The following ETV5 variants were observed in gnomAD, a reference collection of about 807,000 sequenced individuals.
ETV5 encodes the protein ETS translocation variant 5.
ETV5 carries 10 observed loss-of-function variants against 70.0 expected under a neutral mutation model. The observed-to-expected ratio is 0.14, with a 90% confidence interval of 0.09 to 0.24. The LOEUF (loss-of-function observed/expected upper bound fraction) is 0.24. ETV5 is among the 10% of genes least tolerant of loss of function. The pLI is 1.00. For missense variants in ETV5, 453 were observed against 651.2 expected, an observed-to-expected ratio of 0.70 and a Z score of 3.31; for synonymous variants, 216 against 242.2, an observed-to-expected ratio of 0.89 and a Z score of 1.01.
At chr3:186,108,457 C>A (rs1158630536) in intron 1 of ETV5, 4 of 1,226,592 alleles carry the variant, frequency 3.3e-6, no homozygotes, top group Non-Finnish European at 3.2e-6. Context: ...CTGCACTTGC[C>A]TGTGTCATTT....
intron 5 of ETV5, among the ~76,000 whole-genome samples, chr3:186,094,600 G>A (rs1467858998): frequency 2.6e-5 from 4 of 152,104 alleles, no homozygotes; most frequent in African/African-American, 7.2e-5. Context: ...ACTTTAGAAC[G>A]CCAAAAATGG....
chr3:186,071,198 GA>G (rs774748036), intron 7 of ETV5, among the ~76,000 whole-genome samples: 113 of 144,324 alleles, frequency 7.8e-4, no homozygotes, highest in Middle Eastern at 3.6e-3. Flanking sequence ...ATGCTCACAG[GA>G]AAAAAAAAAA....
intron 5 of ETV5, among the ~76,000 whole-genome samples, chr3:186,090,569 G>A (rs1296188478): frequency 2.0e-5 from 3 of 152,126 alleles, no homozygotes; most frequent in Non-Finnish European, 4.4e-5. Context: ...AGAAAAAATG[G>A]AGAATTTCCA....
chr3:186,063,263 C>G (rs987052458), intron 9 of ETV5, among the ~76,000 whole-genome samples: 3 of 152,194 alleles, frequency 2.0e-5, no homozygotes, highest in Non-Finnish European at 4.4e-5. Context: ...GAGCGAGACT[C>G]CGTCTCAACA....
intron 5 of ETV5, chr3:186,095,444 T>TA (rs1714281660): frequency 6.6e-6 from 1 of 152,242 alleles, no homozygotes; most frequent in Non-Finnish European, 1.5e-5. Context: ...AAATAGGATT[T>TA]AAGCACTGTG....
intron 1 of ETV5, among the ~76,000 whole-genome samples, chr3:186,106,666 T>C (rs922865824): frequency 6.6e-6 from 1 of 152,188 alleles, no homozygotes; most frequent in Non-Finnish European, 1.5e-5. Flanking sequence ...TGTGGTACAA[T>C]GCATCTCTAC....
At chr3:186,091,888 A>C (rs768277244) in intron 5 of ETV5, among the ~76,000 whole-genome samples, 20 of 152,198 alleles carry the variant, frequency 1.3e-4, no homozygotes, top group Non-Finnish European at 2.8e-4. Flanking sequence ...AAATACCAGG[A>C]TGTAATAGCA....
At chr3:186,106,888 C>T (rs1424256281) in intron 1 of ETV5, 3 of 930,488 alleles carry the variant, frequency 3.2e-6, no homozygotes, top group Non-Finnish European at 3.8e-6. Context: ...CACTTTTATT[C>T]TTCAAATAAA....
At chr3:186,061,906 G>A (rs145043956) in intron 9 of ETV5, among the ~76,000 whole-genome samples, 1 of 152,140 alleles carries the variant, frequency 6.6e-6, no homozygotes, top group East Asian at 1.9e-4. Context: ...TAGATAAATC[G>A]TAAAATTTAA....
chr3:186,058,956 T>TG (rs1713235281), intron 9 of ETV5, among the ~76,000 whole-genome samples: 1 of 147,322 alleles, frequency 6.8e-6, no homozygotes, highest in Non-Finnish European at 1.5e-5. Flanking sequence ...GAGGTTACAG[T>TG]GGGTGGAGAT....
At chr3:186,101,753 A>G (rs1714464404) in intron 5 of ETV5, among the ~76,000 whole-genome samples, 1 of 152,164 alleles carries the variant, frequency 6.6e-6, no homozygotes, top group East Asian at 1.9e-4. Flanking sequence ...AAACCTTCCC[A>G]TCTGCCCCCA....
intron 7 of ETV5, among the ~76,000 whole-genome samples, chr3:186,067,131 C>G (rs1339751613): frequency 6.6e-6 from 1 of 152,034 alleles, no homozygotes; most frequent in African/African-American, 2.4e-5. Flanking sequence ...CCCATCTCTA[C>G]TAAAAATACA....
chr3:186,106,124 C>T (rs1303963996), intron 1 of ETV5, among the ~76,000 whole-genome samples, 182 bp from the exon 2 acceptor site: 1 of 152,116 alleles, frequency 6.6e-6, no homozygotes, highest in African/African-American at 2.4e-5. Context: ...ATCAGAGGTA[C>T]AGGATGTACT....
intron 5 of ETV5, among the ~76,000 whole-genome samples, chr3:186,098,888 A>G (rs2150154303): frequency 6.6e-6 from 1 of 152,260 alleles, no homozygotes; most frequent in East Asian, 1.9e-4. Flanking sequence ...CAGCGAACTC[A>G]GTGCCACTGG....
intron 5 of ETV5, among the ~76,000 whole-genome samples, chr3:186,100,315 A>G (rs1714422860): frequency 1.3e-5 from 2 of 152,162 alleles, no homozygotes; most frequent in Admixed American, 1.3e-4. Context: ...TAAAGTGCCC[A>G]CTGTTTTCTT....
chr3:186,090,201 C>CCTTG (rs1182369972), intron 5 of ETV5, among the ~76,000 whole-genome samples: 3 of 152,160 alleles, frequency 2.0e-5, no homozygotes, highest in African/African-American at 7.2e-5. Context: ...AGAAAGCCAC[C>CCTTG]CTTGGCCTGT....
At chr3:186,108,410 C>T (rs764767471) in intron 1 of ETV5, 115 of 840,040 alleles carry the variant, frequency 1.4e-4, no homozygotes, top group African/African-American at 3.8e-4. Flanking sequence ...ACTTGCAAGG[C>T]CTGCGTAAGT....
chr3:186,105,253 C>A lies in ETV5; in HGVS notation c.232+52G>T. ...AAAGCATATTCTAGACATGGATGAT[C>A]TAAGACCAAACAATTTCAGAACAAA... is the stretch of plus-strand genomic sequence containing the variant. On this transcript the variant is annotated intron_variant, in intron 5 of 12. Coordinates refer to ENST00000306376, the MANE Select transcript of ETV5 (RefSeq NM_004454.3). This position sits in a 1 kb window ranked among gnomAD's most constrained non-coding sequence, Gnocchi z 4.5. 1 of 1,536,380 alleles carries A rather than the reference C, an allele frequency of 6.5e-7. No homozygotes were observed. Among genetic ancestry groups the A allele is most frequent in the Non-Finnish European group, 8.9e-7 (1 of 1,118,764 alleles).
chr3:186,079,291 C>A, intron 7 of ETV5: 1 of 230,616 alleles, frequency 4.3e-6, no homozygotes, highest in African/African-American at 2.2e-5. Context: ...GTAAAAACCA[C>A]CTGCAGTGTA....
Sources: allele counts gnomAD v4.1 joint callset (sites outside exome capture counted in the v4.1 genomes callset), GRCh38; gene constraint gnomAD v4.1.1; non-coding constraint Gnocchi (gnomAD v3.1); transcripts MANE v1.5; gene names NCBI Gene and HGNC (gene_info 2026-07-23, HGNC 2026-07-21).